The following SEH1L variants were observed in gnomAD, a reference collection of about 807,000 sequenced individuals.
SEH1L encodes SEH1 like nucleoporin, also known as nucleoporin SEH1.
In SEH1L, 18 loss-of-function variants were observed where a neutral mutation model predicts 49.5. That is an observed-to-expected ratio of 0.36 (90% CI 0.25 to 0.54). The LOEUF (loss-of-function observed/expected upper bound fraction) is 0.54. SEH1L is among the 20% of genes least tolerant of loss of function. SEH1L has a pLI of 0.87. For missense variants in SEH1L, 404 were observed against 528.8 expected (o/e 0.76, Z 2.31); for synonymous variants, 169 against 178.1 (o/e 0.95, Z 0.41).
chr18:12,952,723 G>A (rs2030615365), intron 2 of SEH1L, among the ~76,000 whole-genome samples: 1 of 151,372 alleles, frequency 6.6e-6, no homozygotes, highest in African/African-American at 2.4e-5. Flanking sequence ...TGTCTCCATA[G>A]GTTTCTTCTC....
At chr18:12,951,196 A>AT (rs1292428904) in intron 1 of SEH1L, among the ~76,000 whole-genome samples, 1 of 152,168 alleles carries the variant, frequency 6.6e-6, no homozygotes, top group East Asian at 1.9e-4. Context: ...GCGATACTCT[A>AT]TTTTGGCTCA....
intron 1 of SEH1L, among the ~76,000 whole-genome samples, chr18:12,950,657 T>C (rs752934834): frequency 2.0e-5 from 3 of 152,346 alleles, no homozygotes; most frequent in Non-Finnish European, 4.4e-5. Context: ...GTGGATATTT[T>C]AAACACTATT....
Position 12,986,977 on chromosome 18 carries a change from G to GC in SEH1L, c.1188dup (p.Asn397GlnfsTer17), listed in dbSNP as rs769780772. 6.2e-7 allele frequency: 1 copy of GC among 1,613,690 alleles called. No homozygotes were observed. Among genetic ancestry groups the GC allele is most frequent in the Admixed American group, 1.7e-5 (1 of 59,966 alleles). On this transcript the variant is annotated frameshift_variant, in exon 9 of 9. Coordinates refer to ENST00000399892, the MANE Select transcript of SEH1L (RefSeq NM_001013437.2). LOFTEE classifies it high-confidence loss of function. ...AGAGCACTCTTGCGATGCTGACACTGCCAACCTCCAGTATCCTCACCCTCG... is the reference window on the plus strand; with the variant it reads ...AGAGCACTCTTGCGATGCTGACACTGCCCAACCTCCAGTATCCTCACCCTCG...
chr18:12,986,336 T>G, intron 8 of SEH1L: 1 of 985,584 alleles, frequency 1.0e-6, no homozygotes, highest in Non-Finnish European at 1.2e-6. Flanking sequence ...ATTCTAAGGC[T>G]TTTGCAGAAA....
intron 4 of SEH1L, among the ~76,000 whole-genome samples, chr18:12,966,619 G>A (rs1386398515): frequency 6.6e-6 from 1 of 151,974 alleles, no homozygotes; most frequent in Non-Finnish European, 1.5e-5. Context: ...CCAGAATGGT[G>A]TTGAACTCCT....
intron 3 of SEH1L, among the ~76,000 whole-genome samples, chr18:12,960,408 A>G (rs2031115411): frequency 1.3e-5 from 2 of 152,184 alleles, no homozygotes; most frequent in African/African-American, 2.4e-5. Context: ...TGGTCTTGAC[A>G]CCTTTGTTGA....
rs140391404 is a variant in SEH1L, at chr18:12,958,600, G to T, written c.309+2991G>T. ...GGTACTGCATGTAAGTGGAATCACAGTATTTGTCCATTTGCAACTGGCTTA... is the reference window on the plus strand; with the variant it reads ...GGTACTGCATGTAAGTGGAATCACATTATTTGTCCATTTGCAACTGGCTTA... On this transcript the variant is annotated intron_variant, in intron 3 of 8. Coordinates refer to ENST00000399892, the MANE Select transcript of SEH1L (RefSeq NM_001013437.2). Among the ~76,000 whole-genome samples the T allele has an allele frequency of 5.7e-3, 867 of 152,204 alleles. 7 individuals are homozygous for T. The highest frequency in any genetic ancestry group is 0.02 in the African/African-American group (836 of 41,530).
chr18:12,985,338 C>G (rs2032421097), intron 8 of SEH1L: 1 of 1,555,742 alleles, frequency 6.4e-7, no homozygotes, highest in African/African-American at 1.4e-5. Context: ...TCCCCTTCCC[C>G]AGCGCCGTTT....
At position 12,978,907 on chromosome 18, in the gene SEH1L, C is replaced by G; in HGVS notation, c.761+15C>G. ...AAGCCTGTGAGGTGAGTTTTAGAAG[C>G]ATTTATGAATTTGAAAATACTCTTG... On this transcript the variant is annotated intron_variant, in intron 6 of 8. Coordinates refer to ENST00000399892, the MANE Select transcript of SEH1L (RefSeq NM_001013437.2). 1 of 1,610,706 alleles carries G rather than the reference C, an allele frequency of 6.2e-7. No homozygotes were observed. The highest frequency in any genetic ancestry group is 8.5e-7 in the Non-Finnish European group (1 of 1,177,930).
chr18:12,964,857 T>G (rs2031366513), intron 4 of SEH1L, among the ~76,000 whole-genome samples: 1 of 151,704 alleles, frequency 6.6e-6, no homozygotes, highest in Admixed American at 6.6e-5. Flanking sequence ...CAGGCTGGTC[T>G]TGAACTCCTG....
At position 12,984,163 on chromosome 18, in the gene SEH1L, A is replaced by G; in HGVS notation, c.1043A>G (p.Asn348Ser). 1 of 1,613,920 alleles carries G rather than the reference A, an allele frequency of 6.2e-7. No homozygotes were observed. Among genetic ancestry groups the G allele is most frequent in the African/African-American group, 1.3e-5 (1 of 75,058 alleles). ...SLGSTIPSLQ[N>S]SLNGSSAGRY... ...GGTTCAACTATTCCAAGTCTTCAGA[A>G]TTCATTAAATGGATCTTCTGCTGGC... The change falls in exon 8 of 9, where the codon AAT (asparagine) becomes AGT (serine). Residue 348 changes from asparagine (N) to serine (S), a missense_variant. Around this residue, in one of 3 missense-constraint regions of SEH1L, gnomAD observed 342 missense variants for 430.8 expected, o/e 0.79. Coordinates refer to ENST00000399892, the MANE Select transcript of SEH1L (RefSeq NM_001013437.2).
intron 6 of SEH1L, among the ~76,000 whole-genome samples, chr18:12,979,951 G>T (rs1598976402): frequency 7.3e-6 from 1 of 136,352 alleles, no homozygotes; most frequent in African/African-American, 2.8e-5. Context: ...GGGGCGGCCG[G>T]GCAGAGGTGC....
intron 1 of SEH1L, chr18:12,948,487 G>C: frequency 5.9e-6 from 2 of 340,270 alleles, no homozygotes; most frequent in Non-Finnish European, 1.1e-5. Flanking sequence ...GGGTACGCCG[G>C]GCCCTCTCCC....
At chr18:12,983,716 A>G (rs1177319882) in intron 7 of SEH1L, among the ~76,000 whole-genome samples, 1 of 152,242 alleles carries the variant, frequency 6.6e-6, no homozygotes, top group African/African-American at 2.4e-5. Context: ...ATTATAATGA[A>G]GACTTTAATA....
intron 4 of SEH1L, 80 bp from the exon 5 acceptor site, chr18:12,971,073 C>G: frequency 1.0e-6 from 1 of 969,096 alleles, no homozygotes; most frequent in African/African-American, 1.6e-5. Flanking sequence ...TGGTTGTCTG[C>G]TTGCCTCCAG....
chr18:12,948,295 C>T (rs934963191), intron 1 of SEH1L, 63 bp downstream of exon 1: 116 of 1,167,150 alleles, frequency 9.9e-5, no homozygotes, highest in Middle Eastern at 3.9e-4. Context: ...GGGTGGGCGG[C>T]GCGGGGAACG....
At chr18:12,950,125 C>G (rs2030429461) in intron 1 of SEH1L, among the ~76,000 whole-genome samples, 1 of 151,896 alleles carries the variant, frequency 6.6e-6, no homozygotes. Context: ...CCTCAACATC[C>G]CAGGTTCAAG....
chr18:12,986,820 T>A lies in SEH1L; in HGVS notation c.1071-42T>A, dbSNP rs115205390. 2,425 of 1,343,370 alleles carry A rather than the reference T, an allele frequency of 1.8e-3. 54 individuals carry two copies. In the East Asian group the frequency reaches 0.044, roughly 24 times the overall value. The allele number at this position is 1,343,370 out of a possible 1,614,324, so 83.2% of individuals were successfully genotyped here. ...TTTCTTGTGTTTTTTTTTTCCTGTT[T>A]TTGTTTTGTTTGGTGTTTTGTTCCT... On this transcript the variant is annotated intron_variant, in intron 8 of 8. Coordinates refer to ENST00000399892, the MANE Select transcript of SEH1L (RefSeq NM_001013437.2).
At chr18:12,959,415 C>T (rs984308344) in intron 3 of SEH1L, among the ~76,000 whole-genome samples, 1 of 152,174 alleles carries the variant, frequency 6.6e-6, no homozygotes, top group East Asian at 1.9e-4. Context: ...CTCCTGGGTT[C>T]AAGCGATCCT....
Sources: gnomAD v4.1 joint callset for allele counts (sites outside exome capture counted in the v4.1 genomes callset) on GRCh38, gnomAD v4.1.1 for gene constraint, gnomAD v4.1.1 regional missense constraint, MANE v1.5 for transcripts, NCBI Gene and HGNC (gene_info 2026-07-23, HGNC 2026-07-21) for gene names.